PARVB: variants seen among roughly 807,000 people sequenced by gnomAD.
PARVB encodes beta-parvin.
A neutral mutation model predicts 47.0 loss-of-function variants in PARVB; 46 were observed. The observed-to-expected ratio is 0.98, with a 90% CI of 0.77 to 1.25. PARVB has a LOEUF of 1.25. Among genes scored for constraint, PARVB ranks in the 50% most tolerant of loss-of-function variants. PARVB has a pLI of 0.00. For missense variants in PARVB, 473 were observed against 471.6 expected (o/e 1.00, Z -0.03); for synonymous variants, 196 against 196.3 (o/e 1.00, Z 0.01).
chr22:44,145,903 C>T (rs544018077), intron 8 of PARVB: 1 of 149,030 alleles, frequency 6.7e-6, no homozygotes, highest in Admixed American at 6.7e-5. Flanking sequence ...AAAAATTTCA[C>T]TTTTTTTTTT....
chr22:44,091,962 C>T (rs967022665), intron 1 of PARVB, among the ~76,000 whole-genome samples: 1 of 151,926 alleles, frequency 6.6e-6, no homozygotes, highest in Non-Finnish European at 1.5e-5. Context: ...TCCTGGAAGT[C>T]GGGTCCACGG....
Position 44,049,497 on chromosome 22 carries a change from T to C in PARVB, c.112+25046T>C, listed in dbSNP as rs765852886. 3.9e-5 allele frequency among the ~76,000 whole-genome samples: 6 copies of C among 152,226 alleles called. No homozygotes were observed. The highest frequency in any genetic ancestry group is 7.3e-5 in the Non-Finnish European group (5 of 68,044). ...TCTTTTTCACGGGCATAAAAATATC[T>C]GCGGAGTGAAAATGTGTGCAGAGGA... On this transcript the variant is annotated intron_variant, in intron 1 of 12. Coordinates refer to ENST00000338758, the MANE Select transcript of PARVB (RefSeq NM_013327.5). This position sits in a 1 kb window ranked among gnomAD's most constrained non-coding sequence, Gnocchi z 4.0.
At chr22:44,074,284 G>A (rs895385689) in intron 1 of PARVB, among the ~76,000 whole-genome samples, 3 of 152,190 alleles carry the variant, frequency 2.0e-5, no homozygotes, top group Non-Finnish European at 2.9e-5. Context: ...TTGCCTGCAC[G>A]ACGGCCTGGG....
rs147719587 is a variant in PARVB at position 44,082,497 on chromosome 22, C to T, written c.113-11431C>T. Among the ~76,000 whole-genome samples, 442 of 151,962 alleles carry T rather than the reference C, an allele frequency of 2.9e-3. 1 individual carries two copies. Among genetic ancestry groups the T allele is most frequent in the African/African-American group, 0.01 (428 of 41,420 alleles). On this transcript the variant is annotated intron_variant, in intron 1 of 12. Coordinates refer to ENST00000338758, the MANE Select transcript of PARVB (RefSeq NM_013327.5). ...TCGAGCCACTGCACTCCAGCCTGGGCGACAGAGCAAGAGTCCGTCTCAAAA... is the reference window on the plus strand; with the variant it reads ...TCGAGCCACTGCACTCCAGCCTGGGTGACAGAGCAAGAGTCCGTCTCAAAA...
chr22:44,170,026 A>T lies in PARVB; in HGVS notation c.*1348A>T, dbSNP rs1336693897. On this transcript the variant is annotated 3_prime_UTR_variant, in exon 13 of 13. Coordinates refer to ENST00000338758, the MANE Select transcript of PARVB (RefSeq NM_013327.5). Reference sequence around the variant, plus strand: ...GCCTATTTTTTTTTTTTTTTTTGAGACAAGTTCTCACTGTGTCACCCAGGA... The same window carrying T: ...GCCTATTTTTTTTTTTTTTTTTGAGTCAAGTTCTCACTGTGTCACCCAGGA... 4 of 132,882 alleles carry T rather than the reference A, an allele frequency of 3.0e-5. No individual in the cohort carries two copies. Among genetic ancestry groups the T allele is most frequent in the South Asian group, 2.3e-4 (1 of 4,346 alleles). The allele number at this position is 132,882 out of a possible 1,614,324, so 8.2% of individuals were successfully genotyped here.
At chr22:44,116,400 C>G (rs1024461889) in intron 3 of PARVB, among the ~76,000 whole-genome samples, 5 of 152,214 alleles carry the variant, frequency 3.3e-5, no homozygotes, top group South Asian at 2.1e-4. Flanking sequence ...CTTTATTTTC[C>G]TTTCTATCAA....
chr22:44,060,872 C>T (rs1023015498), intron 1 of PARVB, among the ~76,000 whole-genome samples: 11 of 152,238 alleles, frequency 7.2e-5, no homozygotes, highest in East Asian at 3.9e-4. Flanking sequence ...GGCAGTACAG[C>T]GCTCGGTTCC....
At chr22:44,116,000 C>T (rs572124780) in intron 3 of PARVB, 9 of 135,016 alleles carry the variant, frequency 6.7e-5, no homozygotes, top group African/African-American at 2.5e-4. Context: ...CGGATACATC[C>T]CATTACTAAC....
At position 44,172,445 on chromosome 22, in the gene PARVB, G is replaced by A. The variant is rs1289499066; in HGVS notation, c.*3767G>A. On this transcript the variant is annotated 3_prime_UTR_variant, in exon 13 of 13. Coordinates refer to ENST00000338758, the MANE Select transcript of PARVB (RefSeq NM_013327.5). ...GCACAAAGGGGTCTCAGGCCTGCAAGGCCCAAGTGGACGCTCGGACAAGGG... is the reference window on the plus strand; with the variant it reads ...GCACAAAGGGGTCTCAGGCCTGCAAAGCCCAAGTGGACGCTCGGACAAGGG... The A allele has an allele frequency of 6.3e-6, 1 of 157,598 alleles. No individual in the cohort carries two copies. Among genetic ancestry groups the A allele is most frequent in the South Asian group, 1.8e-4 (1 of 5,516 alleles). 9.8% of individuals were successfully genotyped at this position (157,598 alleles called of 1,614,324 possible).
chr22:44,086,742 G>A, intron 1 of PARVB: 1 of 985,380 alleles, frequency 1.0e-6, no homozygotes, highest in Non-Finnish European at 1.2e-6. Flanking sequence ...AAACTGCTCT[G>A]TTAAGAAGAC....
chr22:44,156,006 C>T (rs940811855), intron 10 of PARVB, among the ~76,000 whole-genome samples: 4 of 152,076 alleles, frequency 2.6e-5, no homozygotes, highest in East Asian at 2.0e-4. Context: ...CAAAAATTGG[C>T]GGGTATGGTG....
In PARVB at chr22:44,049,967, A is replaced by G. The variant is rs2051178381; in HGVS notation, c.112+25516A>G. The stretch of plus-strand genomic sequence containing the variant: ...GTTTCTGTTTTACCTACACTTCCAT[A>G]TTGTGGGCATGTGGCTGCGGAAATG... On this transcript the variant is annotated intron_variant, in intron 1 of 12. Transcript: ENST00000338758. This position sits in a 1 kb window ranked among gnomAD's most constrained non-coding sequence, Gnocchi z 4.0. 1.3e-5 allele frequency among the ~76,000 whole-genome samples: 2 copies of G among 152,058 alleles called. No individual in the cohort carries two copies. Among genetic ancestry groups the G allele is most frequent in the African/African-American group, 2.4e-5 (1 of 41,382 alleles).
At chr22:44,123,415 C>T (rs932117393) in intron 4 of PARVB, among the ~76,000 whole-genome samples, 1 of 152,026 alleles carries the variant, frequency 6.6e-6, no homozygotes, top group African/African-American at 2.4e-5. Flanking sequence ...GTGGTTGCTG[C>T]AGCTGCTTTT....
At chr22:44,133,061 A>G (rs768144493) in intron 6 of PARVB, 52 bp downstream of exon 6, 2 of 1,261,928 alleles carry the variant, frequency 1.6e-6, no homozygotes, top group South Asian at 1.3e-5. Context: ...GAGAGGCAAC[A>G]TCTTCCTCCT....
intron 9 of PARVB, chr22:44,148,152 C>A: frequency 1.8e-6 from 1 of 559,114 alleles, no homozygotes; most frequent in Admixed American, 3.0e-5. Context: ...CGCTCCGCTT[C>A]TGTTAAGTGA....
intron 3 of PARVB, chr22:44,111,250 C>T (rs550838392): frequency 6.6e-6 from 1 of 152,076 alleles, no homozygotes; most frequent in African/African-American, 2.4e-5. Context: ...ATTTTCCTTT[C>T]TGAATGAAGA....
intron 3 of PARVB, among the ~76,000 whole-genome samples, chr22:44,117,794 C>T (rs1316038246): frequency 1.3e-5 from 2 of 150,356 alleles, no homozygotes; most frequent in Admixed American, 1.3e-4. Context: ...GGGCCATAAA[C>T]TCCCATTTCC....
chr22:44,162,727 G>C (rs979724909), intron 11 of PARVB: 1 of 152,258 alleles, frequency 6.6e-6, no homozygotes, highest in East Asian at 1.9e-4. Flanking sequence ...CTTGGCTTGC[G>C]GCAGGTGGGT....
intron 10 of PARVB, among the ~76,000 whole-genome samples, chr22:44,154,802 G>A (rs111213350): frequency 2.5e-4 from 36 of 146,454 alleles, no homozygotes; most frequent in African/African-American, 8.1e-4. Flanking sequence ...TGTGATGTGT[G>A]TGTGTAGTTT....
Sources: gnomAD v4.1 joint callset for allele counts (sites outside exome capture counted in the v4.1 genomes callset) on GRCh38, gnomAD v4.1.1 for gene constraint, Gnocchi (gnomAD v3.1) non-coding constraint, MANE v1.5 for transcripts, NCBI Gene and HGNC (gene_info 2026-07-23, HGNC 2026-07-21) for gene names.